GPD1L: variants seen among roughly 807,000 people sequenced by gnomAD.
GPD1L encodes glycerol-3-phosphate dehydrogenase 1 like.
A neutral mutation model predicts 32.9 loss-of-function variants in GPD1L; 17 were observed. The ratio of observed to expected loss-of-function variants is 0.52; its 90% CI spans 0.35 to 0.78. GPD1L has a LOEUF of 0.78. GPD1L is among the 30% of genes least tolerant of loss of function. GPD1L has a pLI of 0.01. For missense variants in GPD1L, 361 were observed against 447.8 expected (o/e 0.81, Z 1.75); for synonymous variants, 187 against 165.9 (o/e 1.13, Z -0.98).
intron 1 of GPD1L, among the ~76,000 whole-genome samples, chr3:32,122,650 G>T (rs1321866218): frequency 1.3e-5 from 2 of 152,118 alleles, no homozygotes; most frequent in African/African-American, 4.8e-5. Flanking sequence ...GCTAGTTTTT[G>T]ACCTTTGCTC....
chr3:32,107,083 C>G (rs906038689), intron 1 of GPD1L, among the ~76,000 whole-genome samples: 1 of 152,218 alleles, frequency 6.6e-6, no homozygotes, highest in Non-Finnish European at 1.5e-5. Context: ...GCACAATATC[C>G]TAAGGGCGTA....
chr3:32,142,413 G>A lies in GPD1L; in HGVS notation c.505+2047G>A, dbSNP rs145615709. On this transcript the variant is annotated intron_variant, in intron 4 of 7. Transcript: ENST00000282541. ...ATTACAGATGTGAGCCACCGCGCCC[G>A]GCTGATTTCATTCTTTTTTAATGGC... Among the ~76,000 whole-genome samples, 613 of 152,132 alleles carry A rather than the reference G, an allele frequency of 4.0e-3. 2 individuals are homozygous for A. Among genetic ancestry groups the A allele is most frequent in the African/African-American group, 0.014 (569 of 41,508 alleles).
At chr3:32,129,585 G>A (rs1007261938) in intron 2 of GPD1L, among the ~76,000 whole-genome samples, 3 of 152,174 alleles carry the variant, frequency 2.0e-5, no homozygotes, top group African/African-American at 4.8e-5. Flanking sequence ...TGAGGGCTAC[G>A]GTTCAGATTG....
At chr3:32,109,073 T>C (rs1048793278) in intron 1 of GPD1L, among the ~76,000 whole-genome samples, 4 of 152,148 alleles carry the variant, frequency 2.6e-5, no homozygotes, top group Non-Finnish European at 5.9e-5. Context: ...ATGGTCTCAA[T>C]CTCCTGACCT....
intron 6 of GPD1L, 77 bp from the exon 7 acceptor site, chr3:32,159,491 A>T (rs1701046653): frequency 4.2e-6 from 4 of 945,836 alleles, no homozygotes; most frequent in Non-Finnish European, 6.5e-6. Context: ...GAAAAAAAAC[A>T]CTTAAAAATT....
chr3:32,114,172 C>CATGT, intron 1 of GPD1L, among the ~76,000 whole-genome samples: 1 of 152,312 alleles, frequency 6.6e-6, no homozygotes. Flanking sequence ...GACTCTTGGT[C>CATGT]CTAGATGACC....
chr3:32,124,731 G>A (rs1179405876), intron 1 of GPD1L, among the ~76,000 whole-genome samples: 2 of 152,118 alleles, frequency 1.3e-5, no homozygotes, highest in African/African-American at 4.8e-5. Context: ...TTCAAGACTA[G>A]CCTGGGCAAC....
chr3:32,122,662 G>A lies in GPD1L; in HGVS notation c.48-5414G>A, dbSNP rs117141828. On this transcript the variant is annotated intron_variant, in intron 1 of 7. Transcript: ENST00000282541. ...TTAGCTAGTTTTTGACCTTTGCTCC[G>A]GGGGCCTTCCTTCTGCCTGGAAGGC... Among the ~76,000 whole-genome samples, 979 of 152,166 alleles carry A rather than the reference G, an allele frequency of 6.4e-3. 4 individuals carry two copies. The highest frequency in any genetic ancestry group is 0.034 in the Middle Eastern group (10 of 294).
chr3:32,151,048 G>A (rs1007752566), intron 5 of GPD1L: 6 of 297,640 alleles, frequency 2.0e-5, no homozygotes, highest in African/African-American at 6.8e-5. Flanking sequence ...GGTTACATGC[G>A]TGAGCCATCA....
At position 32,159,068 on chromosome 3, in the gene GPD1L, C is replaced by A. The variant is rs772985306; in HGVS notation, c.811C>A (p.Arg271=). Residue 271 remains arginine (R), a synonymous_variant, in exon 6 of 8, where the codon CGG becomes AGG. Coordinates refer to ENST00000282541, the MANE Select transcript of GPD1L (RefSeq NM_015141.4). ...CCTGATCACCACCTGTTACGGAGGGCGGAACCGCAGGGTGGCCGAGGCCTT... is the reference window on the plus strand; with the variant it reads ...CCTGATCACCACCTGTTACGGAGGGAGGAACCGCAGGGTGGCCGAGGCCTT... ...ADLITTCYGG[R]NRRVAEAFAR... 1 of 1,613,630 alleles carries A rather than the reference C, an allele frequency of 6.2e-7. No individual in the cohort carries two copies. The highest frequency in any genetic ancestry group is 1.3e-5 in the African/African-American group (1 of 74,924).
intron 5 of GPD1L, among the ~76,000 whole-genome samples, chr3:32,153,034 A>G (rs1700941605): frequency 6.6e-6 from 1 of 152,202 alleles, no homozygotes; most frequent in Non-Finnish European, 1.5e-5. Flanking sequence ...CATTAAAATA[A>G]GAGATTCTAT....
intron 1 of GPD1L, among the ~76,000 whole-genome samples, chr3:32,112,573 G>T (rs914269856): frequency 6.6e-6 from 1 of 152,176 alleles, no homozygotes; most frequent in Admixed American, 6.5e-5. Context: ...GGAGGCAAAG[G>T]TTGCAGTGAG....
intron 6 of GPD1L, 53 bp from the exon 7 acceptor site, chr3:32,159,515 A>T: frequency 4.0e-6 from 4 of 998,832 alleles, no homozygotes; most frequent in Non-Finnish European, 6.2e-6. Flanking sequence ...CAAATAAATG[A>T]TTCTTTAGTC....
intron 2 of GPD1L, among the ~76,000 whole-genome samples, chr3:32,133,433 C>A (rs1441666270): frequency 6.6e-6 from 1 of 152,068 alleles, no homozygotes; most frequent in Non-Finnish European, 1.5e-5. Flanking sequence ...CAGGAAAATT[C>A]TTATAATACT....
At chr3:32,132,841 G>A (rs1559574665) in intron 2 of GPD1L, among the ~76,000 whole-genome samples, 1 of 152,178 alleles carries the variant, frequency 6.6e-6, no homozygotes, top group Non-Finnish European at 1.5e-5. Flanking sequence ...GCGATGGATA[G>A]CTATTTTTCC....
chr3:32,146,693 G>A lies in GPD1L; in HGVS notation c.577G>A (p.Val193Ile), dbSNP rs1237495167. ...LQTPNFRITV[V>I]DDADTVELCG... The stretch of plus-strand genomic sequence containing the variant: ...GACTCCAAATTTTCGAATTACCGTG[G>A]TTGATGATGCAGACACTGTTGAACT... The change falls in exon 5 of 8, where the codon GTT becomes ATT. Residue 193 changes from valine to isoleucine, a missense_variant. Physicochemically the swap from Val to Ile is conservative, Grantham distance 29 (BLOSUM62 3). Transcript: ENST00000282541. 8.7e-6 allele frequency: 14 copies of A among 1,613,166 alleles called. No homozygotes were observed. The highest frequency in any genetic ancestry group is 1.7e-5 in the Admixed American group (1 of 60,002).
chr3:32,158,281 T>A (rs958184693), intron 5 of GPD1L: 13 of 156,526 alleles, frequency 8.3e-5, no homozygotes, highest in African/African-American at 3.1e-4. Flanking sequence ...CATAAAATAT[T>A]ACATATTGTA....
rs560053228 is a variant in GPD1L, at chr3:32,148,704, C to T, written c.618+1970C>T. The stretch of plus-strand genomic sequence containing the variant: ...ACTCTCAGCCCAGTTTCTTTGGTTA[C>T]TGTGTACCACTTGACTTTTCTGGTT... On this transcript the variant is annotated intron_variant, in intron 5 of 7. Transcript: ENST00000282541. 2.6e-5 allele frequency among the ~76,000 whole-genome samples: 4 copies of T among 152,318 alleles called. No individual in the cohort carries two copies. In the East Asian group the frequency reaches 7.7e-4, roughly 29 times the overall value.
At chr3:32,141,429 T>A (rs1183446330) in intron 4 of GPD1L, among the ~76,000 whole-genome samples, 1 of 152,212 alleles carries the variant, frequency 6.6e-6, no homozygotes, top group Non-Finnish European at 1.5e-5. Flanking sequence ...GTGAATCATA[T>A]GCTGTTTAAT....
Sources: gnomAD v4.1 joint callset for allele counts (sites outside exome capture counted in the v4.1 genomes callset) on GRCh38, gnomAD v4.1.1 for gene constraint, MANE v1.5 for transcripts, NCBI Gene and HGNC (gene_info 2026-07-23, HGNC 2026-07-21) for gene names.